The following KATNIP variants were observed in gnomAD, a reference collection of about 807,000 sequenced individuals.
KATNIP encodes katanin-interacting protein.
A neutral mutation model predicts 174.0 loss-of-function variants in KATNIP; 126 were observed. That is an observed-to-expected ratio of 0.72 (90% CI 0.63 to 0.84). KATNIP has a LOEUF of 0.84. KATNIP is among the 40% of genes least tolerant of loss of function. The pLI, the probability that KATNIP is intolerant of heterozygous loss-of-function variation, is 0.00. For missense variants in KATNIP, 1,958 were observed against 2,109.7 expected (o/e 0.93, Z 1.41); for synonymous variants, 810 against 835.7 (o/e 0.97, Z 0.53).
At chr16:27,554,789 C>CTTTTT (rs563621813) in intron 1 of KATNIP, among the ~76,000 whole-genome samples, 2 of 77,834 alleles carry the variant, frequency 2.6e-5, no homozygotes, top group Non-Finnish European at 4.9e-5. Context: ...TTGATTTACA[C>CTTTTT]TTTTTTTTTT....
Position 27,766,397 on chromosome 16 carries a change from C to T in KATNIP, c.3898C>T (p.Arg1300Cys), listed in dbSNP as rs763806971. The T allele has an allele frequency of 2.5e-5, 41 of 1,614,010 alleles. No individual in the cohort carries two copies. Among genetic ancestry groups the T allele is most frequent in the East Asian group, 4.5e-5 (2 of 44,888 alleles). Residue 1300 changes from arginine to cysteine, a missense_variant, in exon 20 of 28, where the codon CGC (arginine) becomes TGC (cysteine). Physicochemically the swap from Arg to Cys is radical, Grantham distance 180. Coordinates refer to ENST00000261588, the MANE Select transcript of KATNIP (RefSeq NM_015202.5). ...SPGLDHVVTI[R>C]LDRAESIAGL... is the part of the protein sequence containing the mutation. ...GGGGCTGGACCATGTGGTCACGATCCGCCTGGACAGGGCCGAAAGCATCGC... is the reference window on the plus strand; with the variant it reads ...GGGGCTGGACCATGTGGTCACGATCTGCCTGGACAGGGCCGAAAGCATCGC...
intron 6 of KATNIP, among the ~76,000 whole-genome samples, chr16:27,667,522 A>G (rs1428873003): frequency 1.3e-5 from 2 of 152,150 alleles, no homozygotes; most frequent in Middle Eastern, 3.2e-3. Flanking sequence ...TTCAACTCCC[A>G]GTTTTACAAA....
intron 23 of KATNIP, among the ~76,000 whole-genome samples, chr16:27,774,449 A>G (rs1266673124): frequency 6.6e-6 from 1 of 152,108 alleles, no homozygotes; most frequent in African/African-American, 2.4e-5. Context: ...ACAGGTCATA[A>G]TGGCAGAGGC....
At chr16:27,591,221 T>C (rs1443556661) in intron 2 of KATNIP, among the ~76,000 whole-genome samples, 1 of 151,950 alleles carries the variant, frequency 6.6e-6, no homozygotes, top group Non-Finnish European at 1.5e-5. Flanking sequence ...AGTCTCGCTC[T>C]GTCACCAGGC....
intron 6 of KATNIP, among the ~76,000 whole-genome samples, chr16:27,657,120 G>A (rs1294580904): frequency 6.6e-6 from 1 of 152,004 alleles, no homozygotes; most frequent in Non-Finnish European, 1.5e-5. Context: ...GTTACATTGT[G>A]GCCATGTAAG....
chr16:27,695,151 G>A (rs913721220), intron 8 of KATNIP, among the ~76,000 whole-genome samples: 6 of 152,184 alleles, frequency 3.9e-5, no homozygotes, highest in Non-Finnish European at 8.8e-5. Flanking sequence ...CTCCACCGCT[G>A]TTGCCTCCTG....
At chr16:27,651,664 A>C (rs926775217) in intron 6 of KATNIP, among the ~76,000 whole-genome samples, 4 of 152,122 alleles carry the variant, frequency 2.6e-5, no homozygotes, top group African/African-American at 9.6e-5. Flanking sequence ...GTTGCCCTCC[A>C]CCCCGTTGAC....
chr16:27,580,637 T>C (rs1280634269), intron 2 of KATNIP, among the ~76,000 whole-genome samples: 1 of 152,142 alleles, frequency 6.6e-6, no homozygotes, highest in Non-Finnish European at 1.5e-5. Context: ...GCAGAACATA[T>C]GCTTTGTCTC....
At chr16:27,648,292 CAAAA>C (rs74809919) in intron 5 of KATNIP, among the ~76,000 whole-genome samples, 2 of 104,104 alleles carry the variant, frequency 1.9e-5, no homozygotes, top group Non-Finnish European at 2.0e-5. Flanking sequence ...GATCCTGACT[CAAAA>C]AAAAAAAAAA....
At chr16:27,738,050 G>A (rs1379246413) in intron 14 of KATNIP, among the ~76,000 whole-genome samples, 2 of 152,130 alleles carry the variant, frequency 1.3e-5, no homozygotes, top group African/African-American at 2.4e-5. Context: ...ACGGGGTGAC[G>A]GACAGATCAT....
At chr16:27,602,609 T>C (rs1409991552) in intron 2 of KATNIP, among the ~76,000 whole-genome samples, 1 of 152,212 alleles carries the variant, frequency 6.6e-6, no homozygotes, top group Non-Finnish European at 1.5e-5. Flanking sequence ...TTAATACATG[T>C]AGAGCCAGCT....
At chr16:27,730,649 T>A (rs1471463819) in intron 14 of KATNIP, among the ~76,000 whole-genome samples, 2 of 152,180 alleles carry the variant, frequency 1.3e-5, no homozygotes, top group African/African-American at 4.8e-5. Flanking sequence ...AACATTGAGG[T>A]TCAGCTTAAA....
chr16:27,769,286 G>A (rs541735906), intron 20 of KATNIP, among the ~76,000 whole-genome samples: 1 of 152,324 alleles, frequency 6.6e-6, no homozygotes, highest in South Asian at 2.1e-4. Context: ...TCAGTGCCAT[G>A]AGAAGGAAGA....
At chr16:27,566,208 A>G (rs2090082950) in intron 1 of KATNIP, among the ~76,000 whole-genome samples, 1 of 152,106 alleles carries the variant, frequency 6.6e-6, no homozygotes, top group Admixed American at 6.6e-5. Context: ...ACACATGCGT[A>G]TCTTTGCAAA....
chr16:27,586,094 C>G (rs2090887988), intron 2 of KATNIP, among the ~76,000 whole-genome samples: 1 of 151,956 alleles, frequency 6.6e-6, no homozygotes, highest in South Asian at 2.1e-4. Flanking sequence ...GAGGGAGACT[C>G]TGTCTCAAAA....
chr16:27,770,470 C>CCA (rs1165446591), intron 21 of KATNIP, among the ~76,000 whole-genome samples: 1 of 152,232 alleles, frequency 6.6e-6, no homozygotes, highest in Admixed American at 6.5e-5. Context: ...TTTGTAAATG[C>CCA]CACGTTAAGT....
intron 1 of KATNIP, among the ~76,000 whole-genome samples, chr16:27,568,064 A>G (rs2090155022): frequency 6.6e-6 from 1 of 152,266 alleles, no homozygotes; most frequent in Non-Finnish European, 1.5e-5. Context: ...TTATGCAAAT[A>G]GAACCAATAT....
In KATNIP at chr16:27,657,383, T is replaced by C. The variant is rs967799983; in HGVS notation, c.540+8648T>C. ...TTCAAAATAGAAAAAGCTAGCACAT[T>C]AAAGAGGAGAGGAGCTGCTCCAGTA... On this transcript the variant is annotated intron_variant, in intron 6 of 27. Transcript: ENST00000261588. Among the ~76,000 whole-genome samples, 40 of 152,002 alleles carry C rather than the reference T, an allele frequency of 2.6e-4. 1 individual carries two copies. Among genetic ancestry groups the C allele is most frequent in the Admixed American group, 8.5e-4 (13 of 15,254 alleles).
chr16:27,642,562 A>G (rs1454841694), intron 5 of KATNIP, among the ~76,000 whole-genome samples: 1 of 152,150 alleles, frequency 6.6e-6, no homozygotes, highest in Non-Finnish European at 1.5e-5. Flanking sequence ...GGTTTTGGTT[A>G]TATGTTCCGG....
Sources: allele counts gnomAD v4.1 joint callset (sites outside exome capture counted in the v4.1 genomes callset), GRCh38; gene constraint gnomAD v4.1.1; transcripts MANE v1.5; gene names NCBI Gene and HGNC (gene_info 2026-07-23, HGNC 2026-07-21).